ADCYAP1R1: variants seen among roughly 807,000 people sequenced by gnomAD.
The protein encoded by ADCYAP1R1 is pituitary adenylate cyclase-activating polypeptide type I receptor.
A neutral mutation model predicts 67.6 loss-of-function variants in ADCYAP1R1; 44 were observed. The ratio of observed to expected loss-of-function variants is 0.65; its 90% CI spans 0.51 to 0.84. The LOEUF (loss-of-function observed/expected upper bound fraction) is 0.84. Among genes scored for constraint, ADCYAP1R1 ranks in the 40% least tolerant of loss-of-function variants. The pLI is 0.00. For synonymous variants in ADCYAP1R1, 222 were observed against 219.6 expected (o/e 1.01, Z -0.10); for missense variants, 477 against 587.9 (o/e 0.81, Z 1.95).
intron 2 of ADCYAP1R1, among the ~76,000 whole-genome samples, chr7:31,063,785 A>G (rs1308252403): frequency 6.6e-6 from 1 of 152,222 alleles, no homozygotes; most frequent in African/African-American, 2.4e-5. Context: ...TCAGAGTAGC[A>G]GTGGGTGAGG....
chr7:31,078,614 G>A lies in ADCYAP1R1; in HGVS notation c.265+516G>A, dbSNP rs372056032. The stretch of plus-strand genomic sequence containing the variant: ...CAGGCAGAATGAGACGCGTGGGGAA[G>A]GCAGCTGGACACAAGACACCCACGT... On this transcript the variant is annotated intron_variant, in intron 4 of 15. Transcript: ENST00000304166. Among the ~76,000 whole-genome samples, 10 of 152,362 alleles carry A rather than the reference G, an allele frequency of 6.6e-5. No homozygotes were observed. In the South Asian group the frequency reaches 1.2e-3, roughly 19 times the overall value.
chr7:31,105,657 G>T (rs1158152324), intron 15 of ADCYAP1R1, among the ~76,000 whole-genome samples: 1 of 152,222 alleles, frequency 6.6e-6, no homozygotes, highest in African/African-American at 2.4e-5. Flanking sequence ...TTGCATCTGA[G>T]CAACAGAGAT....
intron 3 of ADCYAP1R1, among the ~76,000 whole-genome samples, chr7:31,069,194 A>C (rs1275706530): frequency 2.0e-5 from 3 of 152,210 alleles, no homozygotes; most frequent in African/African-American, 7.2e-5. Flanking sequence ...GGCAGAGAGC[A>C]GCCCCTCAGG....
chr7:31,059,631 C>T (rs566294948), intron 1 of ADCYAP1R1, among the ~76,000 whole-genome samples: 82 of 152,226 alleles, frequency 5.4e-4, no homozygotes, highest in African/African-American at 1.9e-3. Context: ...GGAGGAGCCA[C>T]TGGCAGGGCT....
chr7:31,067,712 G>A (rs1339546832), intron 3 of ADCYAP1R1, among the ~76,000 whole-genome samples: 2 of 152,180 alleles, frequency 1.3e-5, no homozygotes, highest in Admixed American at 6.5e-5. Context: ...CCAGCCATGG[G>A]ATCTTTGAAG....
chr7:31,083,070 A>G (rs1584512766), intron 6 of ADCYAP1R1, among the ~76,000 whole-genome samples: 1 of 152,254 alleles, frequency 6.6e-6, no homozygotes, highest in East Asian at 1.9e-4. Flanking sequence ...GTCCAGCAGT[A>G]TGGGTACTGG....
intron 1 of ADCYAP1R1, among the ~76,000 whole-genome samples, chr7:31,055,976 T>A (rs1794222512): frequency 6.6e-6 from 1 of 152,210 alleles, no homozygotes; most frequent in South Asian, 2.1e-4. Context: ...ACTGAAAAAC[T>A]GACTGCTGTC....
chr7:31,098,921 C>T (rs1796324196), intron 13 of ADCYAP1R1, among the ~76,000 whole-genome samples: 2 of 152,184 alleles, frequency 1.3e-5, no homozygotes, highest in African/African-American at 4.8e-5. Flanking sequence ...CATTGACCAG[C>T]ACCGGGAGAC....
At chr7:31,057,836 A>G (rs1383790958) in intron 1 of ADCYAP1R1, among the ~76,000 whole-genome samples, 2 of 152,058 alleles carry the variant, frequency 1.3e-5, no homozygotes, top group East Asian at 3.9e-4. Context: ...GCACGGGGAG[A>G]GCAGGGTAGG....
Position 31,052,442 on chromosome 7 carries a change from G to GTGA in ADCYAP1R1, c.-308_-307insTGA, listed in dbSNP as rs1348019475. On this transcript the variant is annotated 5_prime_UTR_variant, in exon 1 of 16. Coordinates refer to ENST00000304166, the MANE Select transcript of ADCYAP1R1 (RefSeq NM_001118.5). ...GCTCGGCCCCGGGCAGGGAGTGACG[G>GTGA]CGGCGGCGGCGGCTCCGGGCGAGCG... The GTGA allele has an allele frequency of 2.0e-5, 3 of 149,474 alleles. No individual in the cohort carries two copies. Among genetic ancestry groups the GTGA allele is most frequent in the Non-Finnish European group, 4.5e-5 (3 of 67,146 alleles). 9.3% of individuals were successfully genotyped at this position (149,474 alleles called of 1,614,324 possible). A position where few individuals can be genotyped will look rare whatever the true frequency, so the allele number is the denominator to read the frequency against.
intron 13 of ADCYAP1R1, among the ~76,000 whole-genome samples, chr7:31,097,275 G>T (rs1796234193): frequency 6.6e-6 from 1 of 152,176 alleles, no homozygotes; most frequent in Non-Finnish European, 1.5e-5. Flanking sequence ...AGTCTCTTTT[G>T]GATCCAACTC....
chr7:31,095,167 A>G (rs1001346984), intron 13 of ADCYAP1R1, among the ~76,000 whole-genome samples: 1 of 152,188 alleles, frequency 6.6e-6, no homozygotes, highest in Non-Finnish European at 1.5e-5. Flanking sequence ...ACCTGCAAAC[A>G]TCCAGTGAAT....
In ADCYAP1R1 at chr7:31,084,754, A is replaced by C; in HGVS notation, c.456A>C (p.Ser152=). ...TGCTTCAGGATTATTACTACCTGTC[A>C]GTGAAGGCCCTCTACACGGTTGGCT... ...ETGDQDYYYL[S]VKALYTVGYS... is the part of the protein sequence containing the mutation. The change falls in exon 8 of 16, where the codon TCA becomes TCC. Residue 152 remains serine, a synonymous_variant. Coordinates refer to ENST00000304166, the MANE Select transcript of ADCYAP1R1 (RefSeq NM_001118.5). 1.2e-6 allele frequency: 2 copies of C among 1,614,014 alleles called. No individual in the cohort carries two copies. Among genetic ancestry groups the C allele is most frequent in the Non-Finnish European group, 1.7e-6 (2 of 1,179,890 alleles).
intron 12 of ADCYAP1R1, 75 bp from the exon 13 acceptor site, chr7:31,092,569 A>G: frequency 1.8e-6 from 2 of 1,124,522 alleles, no homozygotes; most frequent in South Asian, 1.3e-5. Context: ...TAGGTGGGGG[A>G]GGGTCCTGCT....
rs35661943 is a variant in ADCYAP1R1 at position 31,106,609 on chromosome 7, C to A, written c.1332C>A (p.Thr444=). Residue 444 remains threonine (T), a synonymous_variant, in exon 16 of 16, where the codon ACC becomes ACA. Transcript: ENST00000304166. ...SLASSGVNGG[T]QLSILSKSSS... is the part of the protein sequence containing the mutation. The stretch of plus-strand genomic sequence containing the variant: ...CCAGCAGTGGGGTGAATGGGGGCAC[C>A]CAGCTCTCCATCCTGAGCAAGAGCA... 33,845 of 1,613,934 alleles carry A rather than the reference C, an allele frequency of 0.021. 513 individuals carry two copies. The highest frequency in any genetic ancestry group is 0.048 in the South Asian group (4,349 of 91,032).
chr7:31,106,647 G>T lies in ADCYAP1R1; in HGVS notation c.1370G>T (p.Arg457Leu). ...SILSKSSSQI[R>L]MSGLPADNLA... ...CTGAGCAAGAGCAGCTCCCAAATCC[G>T]CATGTCTGGCCTCCCTGCTGACAAT... Residue 457 changes from arginine to leucine, a missense_variant, in exon 16 of 16, where the codon CGC (arginine) becomes CTC (leucine). Coordinates refer to ENST00000304166, the MANE Select transcript of ADCYAP1R1 (RefSeq NM_001118.5). 6.2e-7 allele frequency: 1 copy of T among 1,611,906 alleles called. No individual in the cohort carries two copies. The highest frequency in any genetic ancestry group is 8.5e-7 in the Non-Finnish European group (1 of 1,178,890).
chr7:31,085,798 C>T (rs1003047279), intron 9 of ADCYAP1R1, among the ~76,000 whole-genome samples: 2 of 152,204 alleles, frequency 1.3e-5, no homozygotes, highest in African/African-American at 4.8e-5. Context: ...TTTAACTAGC[C>T]TGGGATGGAG....
chr7:31,092,150 G>C (rs1447600370), intron 12 of ADCYAP1R1, among the ~76,000 whole-genome samples: 2 of 146,958 alleles, frequency 1.4e-5, no homozygotes, highest in East Asian at 2.0e-4. Flanking sequence ...TTCCTACTTT[G>C]TTTAGGAAGC....
chr7:31,075,667 T>C (rs1795179414), intron 3 of ADCYAP1R1, among the ~76,000 whole-genome samples: 1 of 151,996 alleles, frequency 6.6e-6, no homozygotes, highest in South Asian at 2.1e-4. Context: ...GGCAGGGCCG[T>C]AGGTAGGGTC....
Sources: gnomAD v4.1 joint callset for allele counts (sites outside exome capture counted in the v4.1 genomes callset) on GRCh38, gnomAD v4.1.1 for gene constraint, MANE v1.5 for transcripts, NCBI Gene and HGNC (gene_info 2026-07-23, HGNC 2026-07-21) for gene names.